CDC123: variants seen among roughly 807,000 people sequenced by gnomAD.
The protein encoded by CDC123 is cell division cycle 123.
A neutral mutation model predicts 54.4 loss-of-function variants in CDC123; 37 were observed. The observed-to-expected ratio is 0.68, with a 90% CI of 0.52 to 0.89. CDC123 has a LOEUF of 0.89. CDC123 is among the 40% of genes least tolerant of loss of function. The pLI, the probability that CDC123 is intolerant of heterozygous loss-of-function variation, is 0.00. For missense variants in CDC123, 361 were observed against 412.1 expected (o/e 0.88, Z 1.07); for synonymous variants, 144 against 136.8 (o/e 1.05, Z -0.37).
At position 12,215,779 on chromosome 10, in the gene CDC123, G is replaced by A; in HGVS notation, c.277G>A (p.Ala93Thr). The A allele has an allele frequency of 1.2e-6, 2 of 1,612,804 alleles. No individual in the cohort carries two copies. Among genetic ancestry groups the A allele is most frequent in the Non-Finnish European group, 1.7e-6 (2 of 1,179,584 alleles). ...FPEFATKVQE[A>T]INSLGGSVFP... ...TGAGTTTGCCACTAAAGTCCAGGAAGCTATCAATTCCCTCGGGGGCAGTGT... is the reference window on the plus strand; with the variant it reads ...TGAGTTTGCCACTAAAGTCCAGGAAACTATCAATTCCCTCGGGGGCAGTGT... Residue 93 changes from alanine (A) to threonine (T), a missense_variant, in exon 5 of 13, where the codon GCT becomes ACT. Ala to Thr is a moderately conservative substitution (Grantham distance 58). Coordinates refer to ENST00000281141, the MANE Select transcript of CDC123 (RefSeq NM_006023.3).
At chr10:12,245,514 C>G (rs1180489801) in intron 10 of CDC123, 1 of 152,236 alleles carries the variant, frequency 6.6e-6, no homozygotes, top group Non-Finnish European at 1.5e-5. Context: ...GCCTCAGCCT[C>G]CCAAAGTGCT....
At chr10:12,245,843 A>C (rs1157711727) in intron 10 of CDC123, 1 of 222,174 alleles carries the variant, frequency 4.5e-6, no homozygotes, top group Non-Finnish European at 8.9e-6. Flanking sequence ...GGCTGAGGTG[A>C]GGGGATTGCT....
chr10:12,197,518 A>C (rs1381837171), intron 1 of CDC123, among the ~76,000 whole-genome samples: 2 of 151,454 alleles, frequency 1.3e-5, no homozygotes, highest in African/African-American at 4.9e-5. Flanking sequence ...CTGGGACTAC[A>C]GGCGCCCGCC....
At chr10:12,224,286 C>T (rs1198199331) in intron 6 of CDC123, among the ~76,000 whole-genome samples, 1 of 148,472 alleles carries the variant, frequency 6.7e-6, no homozygotes. Context: ...TTTTTCTTTT[C>T]CTTTCTTTTT....
chr10:12,248,247 C>T (rs1459880313), intron 11 of CDC123, among the ~76,000 whole-genome samples: 1 of 152,230 alleles, frequency 6.6e-6, no homozygotes, highest in African/African-American at 2.4e-5. Context: ...GTGGCTCACA[C>T]CTGTAATCCC....
At chr10:12,206,782 C>T (rs1835527194) in intron 2 of CDC123, among the ~76,000 whole-genome samples, 1 of 152,122 alleles carries the variant, frequency 6.6e-6, no homozygotes, top group East Asian at 1.9e-4. Context: ...CACGGTGAAA[C>T]CCCATCTCTA....
intron 2 of CDC123, among the ~76,000 whole-genome samples, chr10:12,205,242 C>T (rs922650878): frequency 2.6e-5 from 4 of 152,198 alleles, no homozygotes; most frequent in South Asian, 2.1e-4. Context: ...TTGTTGCAAA[C>T]GACTGGATCT....
chr10:12,196,344 G>T, intron 1 of CDC123, 25 bp downstream of exon 1: 1 of 1,613,816 alleles, frequency 6.2e-7, no homozygotes, highest in Non-Finnish European at 8.5e-7. Context: ...GGTTCGCCCG[G>T]TCGACCGGCA....
intron 4 of CDC123, among the ~76,000 whole-genome samples, chr10:12,211,159 T>G (rs1835594085): frequency 6.6e-6 from 1 of 152,202 alleles, no homozygotes; most frequent in African/African-American, 2.4e-5. Flanking sequence ...AACCTAAAAT[T>G]TTTTAAATGA....
Position 12,250,370 on chromosome 10 carries a change from C to A in CDC123, c.*33C>A. The A allele has an allele frequency of 6.4e-7, 1 of 1,555,000 alleles. No individual in the cohort carries two copies. Among genetic ancestry groups the A allele is most frequent in the Non-Finnish European group, 8.9e-7 (1 of 1,126,906 alleles). On this transcript the variant is annotated 3_prime_UTR_variant, in exon 13 of 13. Transcript: ENST00000281141. ...ACTGGAACTGGAGAAGAGGAGGCCC[C>A]GCCCCACCGCTCCGGGAGCTGCTCA...
At chr10:12,237,696 T>C (rs1001835865) in intron 9 of CDC123, among the ~76,000 whole-genome samples, 1 of 152,154 alleles carries the variant, frequency 6.6e-6, no homozygotes, top group Non-Finnish European at 1.5e-5. Context: ...AGCCTCACAG[T>C]GTGCTGGGAT....
intron 6 of CDC123, among the ~76,000 whole-genome samples, chr10:12,228,860 GCGCCTGGCCA>G (rs1171717602): frequency 2.0e-5 from 3 of 152,198 alleles, no homozygotes; most frequent in Non-Finnish European, 4.4e-5. Context: ...GTGAGCCACT[GCGCCTGGCCA>G]CGCCTGGCTA....
intron 4 of CDC123, among the ~76,000 whole-genome samples, chr10:12,212,347 T>C (rs945713685): frequency 6.6e-6 from 1 of 152,188 alleles, no homozygotes; most frequent in Non-Finnish European, 1.5e-5. Flanking sequence ...TGCAACAACT[T>C]GTGCCAGAAA....
rs543337462 is a variant in CDC123 at position 12,200,120 on chromosome 10, A to ATTTTTTTTTT, written c.146+1358_146+1367dup. ...ATAGGCCTGAGCCACCGCACTCGGC[A>ATTTTTTTTTT]TTTTTTTTTTTTTTTTTTTTTTTAA... On this transcript the variant is annotated intron_variant, in intron 2 of 12. Transcript: ENST00000281141. Among the ~76,000 whole-genome samples the ATTTTTTTTTT allele has an allele frequency of 9.6e-3, 568 of 59,318 alleles. 71 individuals are homozygous for ATTTTTTTTTT. The highest frequency in any genetic ancestry group is 0.048 in the Middle Eastern group (2 of 42). 38.9% of individuals were successfully genotyped at this position (59,318 alleles called of 152,430 possible). A position where few individuals can be genotyped will look rare whatever the true frequency, so the allele number is the denominator to read the frequency against.
At chr10:12,237,444 A>ATTTTTTTTTTTTTTTTTT (rs1564257509) in intron 9 of CDC123, 178 bp downstream of exon 9, 3 of 456,140 alleles carry the variant, frequency 6.6e-6, no homozygotes, top group African/African-American at 6.2e-5. Flanking sequence ...TATTATTATT[A>ATTTTTTTTTTTTTTTTTT]TTTTTATTTG....
intron 10 of CDC123, among the ~76,000 whole-genome samples, chr10:12,239,434 C>G (rs372068981): frequency 6.6e-6 from 1 of 152,094 alleles, no homozygotes; most frequent in Non-Finnish European, 1.5e-5. Flanking sequence ...TTATTTTGGC[C>G]GGGTGCAGTG....
chr10:12,200,079 C>T (rs1835419718), intron 2 of CDC123, among the ~76,000 whole-genome samples: 2 of 143,048 alleles, frequency 1.4e-5, no homozygotes, highest in South Asian at 4.4e-4. Flanking sequence ...CCTCGGCCTC[C>T]CAAAGTGCTG....
intron 6 of CDC123, among the ~76,000 whole-genome samples, chr10:12,230,196 T>C (rs1251652673): frequency 6.6e-6 from 1 of 152,056 alleles, no homozygotes; most frequent in East Asian, 1.9e-4. Flanking sequence ...TTTTGTTTTT[T>C]GGGTTTTTTT....
intron 2 of CDC123, among the ~76,000 whole-genome samples, chr10:12,206,771 A>G (rs957628823): frequency 4.6e-5 from 7 of 152,152 alleles, no homozygotes; most frequent in African/African-American, 1.7e-4. Flanking sequence ...ATCCTGGCCA[A>G]CACGGTGAAA....
Sources: gnomAD v4.1 joint callset for allele counts (sites outside exome capture counted in the v4.1 genomes callset) on GRCh38, gnomAD v4.1.1 for gene constraint, MANE v1.5 for transcripts, NCBI Gene and HGNC (gene_info 2026-07-23, HGNC 2026-07-21) for gene names.